FIGN: variants seen among roughly 807,000 people sequenced by gnomAD.
The protein encoded by FIGN is fidgetin.
FIGN carries 11 observed loss-of-function variants against 51.3 expected under a neutral mutation model. The ratio of observed to expected loss-of-function variants is 0.21; its 90% CI spans 0.13 to 0.35. The LOEUF is 0.35. Among genes scored for constraint, FIGN ranks in the 10% least tolerant of loss-of-function variants. The pLI, the probability that FIGN is intolerant of heterozygous loss-of-function variation, is 1.00. For missense variants in FIGN, 857 were observed against 943.6 expected (o/e 0.91, Z 1.20); for synonymous variants, 407 against 363.2 (o/e 1.12, Z -1.37).
At chr2:163,642,779 C>A (rs1683323556) in intron 2 of FIGN, among the ~76,000 whole-genome samples, 1 of 152,038 alleles carries the variant, frequency 6.6e-6, no homozygotes, top group Admixed American at 6.6e-5. Flanking sequence ...AGAATAATTT[C>A]ATGTATAACA....
At chr2:163,657,797 T>A (rs752278916) in intron 2 of FIGN, among the ~76,000 whole-genome samples, 1 of 152,142 alleles carries the variant, frequency 6.6e-6, no homozygotes, top group Non-Finnish European at 1.5e-5. Flanking sequence ...CTGTAATAGA[T>A]GGTATAGTGC....
intron 2 of FIGN, among the ~76,000 whole-genome samples, chr2:163,712,688 T>C (rs1370172200): frequency 6.6e-6 from 1 of 152,186 alleles, no homozygotes; most frequent in African/African-American, 2.4e-5. Flanking sequence ...TATTTTTCCA[T>C]TTAATAAAGG....
At chr2:163,714,342 A>C (rs1463567336) in intron 2 of FIGN, among the ~76,000 whole-genome samples, 1 of 152,276 alleles carries the variant, frequency 6.6e-6, no homozygotes, top group Admixed American at 6.5e-5. Flanking sequence ...TGTACAAGTA[A>C]GCAGCATGTT....
At chr2:163,715,345 T>G (rs1188360786) in intron 2 of FIGN, among the ~76,000 whole-genome samples, 1 of 152,110 alleles carries the variant, frequency 6.6e-6, no homozygotes, top group Non-Finnish European at 1.5e-5. Context: ...CACACCAATG[T>G]GGGGAGATTC....
At chr2:163,648,463 T>C (rs1432857773) in intron 2 of FIGN, among the ~76,000 whole-genome samples, 1 of 152,200 alleles carries the variant, frequency 6.6e-6, no homozygotes, top group Non-Finnish European at 1.5e-5. Context: ...TTTCCTGTCA[T>C]TAGGGATTTA....
At chr2:163,674,867 G>T (rs1013914714) in intron 2 of FIGN, among the ~76,000 whole-genome samples, 4 of 151,916 alleles carry the variant, frequency 2.6e-5, no homozygotes, top group African/African-American at 9.7e-5. Flanking sequence ...CCACAGAAAA[G>T]GTGAGGCATT....
intron 2 of FIGN, among the ~76,000 whole-genome samples, chr2:163,619,085 T>TC (rs1166836675): frequency 6.6e-6 from 1 of 152,156 alleles, no homozygotes; most frequent in African/African-American, 2.4e-5. Flanking sequence ...GTTTCAGTGT[T>TC]CCCCCTTTTG....
chr2:163,609,783 C>T lies in FIGN; in HGVS notation c.2049G>A (p.Gln683=), dbSNP rs979709029. The T allele has an allele frequency of 2.5e-6, 4 of 1,614,162 alleles. No individual in the cohort carries two copies. The East Asian group carries it at 6.7e-5, about 27-fold the overall frequency. ...CTAGTCCAGAAAAGCCTTCTGTGCG[C>T]TGGACGAGCAGTGCAAACTCCTTGT... ...LNDKEFALLV[Q]RTEGFSGLDV... Residue 683 remains glutamine, a synonymous_variant, in exon 3 of 3, where the codon CAG becomes CAA. Coordinates refer to ENST00000333129, the MANE Select transcript of FIGN (RefSeq NM_018086.4).
At chr2:163,684,626 G>A (rs1202676323) in intron 2 of FIGN, among the ~76,000 whole-genome samples, 2 of 152,194 alleles carry the variant, frequency 1.3e-5, no homozygotes, top group African/African-American at 4.8e-5. Flanking sequence ...CTTTCAGAGG[G>A]AGAGGTAGAT....
In FIGN at chr2:163,638,909, T is replaced by TA. The variant is rs765083852; in HGVS notation, c.26-27104dup. ...GTTTCCTTTATGAGTTTTTCTCCTC[T>TA]AAAAAAAACATCTAATTTAATTGTA... On this transcript the variant is annotated intron_variant, in intron 2 of 2. Coordinates refer to ENST00000333129, the MANE Select transcript of FIGN (RefSeq NM_018086.4). Among the ~76,000 whole-genome samples, 92 of 149,202 alleles carry TA rather than the reference T, an allele frequency of 6.2e-4. 1 individual carries two copies. Among genetic ancestry groups the TA allele is most frequent in the African/African-American group, 2.1e-3 (88 of 41,308 alleles).
At chr2:163,643,086 T>C (rs1683328292) in intron 2 of FIGN, among the ~76,000 whole-genome samples, 2 of 152,136 alleles carry the variant, frequency 1.3e-5, no homozygotes, top group African/African-American at 4.8e-5. Flanking sequence ...AAAACAATCT[T>C]ATTTAAAAAA....
Position 163,603,651 on chromosome 2 carries a change from C to A in FIGN, c.*5901G>T, listed in dbSNP as rs1028232368. On this transcript the variant is annotated 3_prime_UTR_variant, in exon 3 of 3. Transcript: ENST00000333129. ...CTTAAAGAATAGATTGTCAGGCATACCGGAGTTTCAGATGCATTTCTGAAT... is the reference window on the plus strand; with the variant it reads ...CTTAAAGAATAGATTGTCAGGCATAACGGAGTTTCAGATGCATTTCTGAAT... 6.6e-6 allele frequency: 1 copy of A among 152,092 alleles called. No homozygotes were observed. The highest frequency in any genetic ancestry group is 1.5e-5 in the Non-Finnish European group (1 of 67,974). The allele number at this position is 152,092 out of a possible 1,614,324, so 9.4% of individuals were successfully genotyped here.
chr2:163,683,007 T>C (rs1684090082), intron 2 of FIGN, among the ~76,000 whole-genome samples: 2 of 152,298 alleles, frequency 1.3e-5, no homozygotes, highest in South Asian at 4.1e-4. Context: ...CTCTTTTCTG[T>C]TCTAATGAAA....
chr2:163,613,875 TTAAA>T (rs1399351811), intron 2 of FIGN, among the ~76,000 whole-genome samples: 2 of 152,198 alleles, frequency 1.3e-5, no homozygotes, highest in Non-Finnish European at 2.9e-5. Flanking sequence ...CACAACTCAG[TTAAA>T]TTAAGTCTGA....
intron 2 of FIGN, among the ~76,000 whole-genome samples, chr2:163,729,709 T>C (rs1367948468): frequency 1.3e-5 from 2 of 152,154 alleles, no homozygotes; most frequent in Non-Finnish European, 2.9e-5. Flanking sequence ...TCAAAAATGA[T>C]TGGAAGCAGT....
At chr2:163,722,743 C>A (rs2105363982) in intron 2 of FIGN, among the ~76,000 whole-genome samples, 1 of 151,822 alleles carries the variant, frequency 6.6e-6, no homozygotes, top group South Asian at 2.1e-4. Flanking sequence ...AATTATAAAA[C>A]TATTTTTCAG....
intron 2 of FIGN, among the ~76,000 whole-genome samples, chr2:163,694,344 C>T (rs1456662750): frequency 6.6e-6 from 1 of 152,168 alleles, no homozygotes; most frequent in Non-Finnish European, 1.5e-5. Flanking sequence ...GAAATGTGTA[C>T]TATAACCTCC....
At chr2:163,631,983 A>T (rs1298439861) in intron 2 of FIGN, among the ~76,000 whole-genome samples, 1 of 152,070 alleles carries the variant, frequency 6.6e-6, no homozygotes, top group Non-Finnish European at 1.5e-5. Context: ...CCGCGTCTCT[A>T]CTAAAAATAC....
intron 2 of FIGN, among the ~76,000 whole-genome samples, chr2:163,679,630 A>G (rs1684028220): frequency 1.3e-5 from 2 of 152,236 alleles, no homozygotes; most frequent in Admixed American, 1.3e-4. Flanking sequence ...GGATTTCTTA[A>G]GCCAACATTT....
Sources: gnomAD v4.1 joint callset for allele counts (sites outside exome capture counted in the v4.1 genomes callset) on GRCh38, gnomAD v4.1.1 for gene constraint, MANE v1.5 for transcripts, NCBI Gene and HGNC (gene_info 2026-07-23, HGNC 2026-07-21) for gene names.